Variants in ARMC9 observed in about 807,000 individuals in gnomAD.
ARMC9 encodes lisH domain-containing protein ARMC9.
In ARMC9, 94 loss-of-function variants were observed where a neutral mutation model predicts 107.0. That is an observed-to-expected ratio of 0.88 (90% confidence interval 0.74 to 1.04). The LOEUF is 1.04. Among genes scored for constraint, ARMC9 ranks in the 50% least tolerant of loss-of-function variants. The probability of loss-of-function intolerance (pLI) is 0.00; values close to 1 mark genes in which losing one functional copy is unlikely to be tolerated. For synonymous variants in ARMC9, 380 were observed against 396.9 expected (o/e 0.96, Z 0.51); for missense variants, 942 against 1,030.1 (o/e 0.91, Z 1.17).
At chr2:231,246,583 A>G (rs901162803) in intron 9 of ARMC9, among the ~76,000 whole-genome samples, 2 of 152,064 alleles carry the variant, frequency 1.3e-5, no homozygotes, top group Admixed American at 6.6e-5. Context: ...TGTGTACCAC[A>G]TTTTCCTTAT....
Position 231,255,865 on chromosome 2 carries a change from G to C in ARMC9, c.880-721G>C, listed in dbSNP as rs995569881. ...ATCCTGGCTAACACGGTGAAACCCCGTTTCTACTAAAAATACTAAACAAAA... is the reference window on the plus strand; with the variant it reads ...ATCCTGGCTAACACGGTGAAACCCCCTTTCTACTAAAAATACTAAACAAAA... On this transcript the variant is annotated intron_variant, in intron 9 of 24. Coordinates refer to ENST00000611582, the MANE Select transcript of ARMC9 (RefSeq NM_001352754.2). The surrounding 1 kb of genome is among the most constrained non-coding windows in gnomAD (Gnocchi z 4.7). Among the ~76,000 whole-genome samples the C allele has an allele frequency of 2.0e-5, 3 of 152,090 alleles. No homozygotes were observed. Among genetic ancestry groups the C allele is most frequent in the African/African-American group, 7.2e-5 (3 of 41,402 alleles).
At chr2:231,220,565 C>T (rs1209746913) in intron 5 of ARMC9, among the ~76,000 whole-genome samples, 1 of 148,528 alleles carries the variant, frequency 6.7e-6, no homozygotes, top group Non-Finnish European at 1.5e-5. Context: ...CCACTGCGCT[C>T]CAGTTTGGGC....
chr2:231,306,000 C>T (rs1449239055), intron 19 of ARMC9, among the ~76,000 whole-genome samples: 1 of 152,168 alleles, frequency 6.6e-6, no homozygotes, highest in Non-Finnish European at 1.5e-5. Context: ...ACTTAACTGA[C>T]GTTTACACTC....
chr2:231,328,555 A>G (rs1446109938), intron 19 of ARMC9, among the ~76,000 whole-genome samples: 1 of 152,066 alleles, frequency 6.6e-6, no homozygotes, highest in Non-Finnish European at 1.5e-5. Flanking sequence ...ACAAATGTTC[A>G]ATTTCTCCAG....
chr2:231,306,058 A>G (rs1480096792), intron 19 of ARMC9, among the ~76,000 whole-genome samples: 4 of 152,230 alleles, frequency 2.6e-5, no homozygotes, highest in Non-Finnish European at 4.4e-5. Flanking sequence ...AAGTTACAAT[A>G]AGGTAAATTA....
At chr2:231,267,719 T>C (rs1459185028) in intron 12 of ARMC9, among the ~76,000 whole-genome samples, 1 of 152,172 alleles carries the variant, frequency 6.6e-6, no homozygotes, top group Non-Finnish European at 1.5e-5. Context: ...TAGCACTGTT[T>C]AGGGTTATCC....
chr2:231,314,949 T>A (rs1256993346), intron 19 of ARMC9, among the ~76,000 whole-genome samples: 1 of 152,208 alleles, frequency 6.6e-6, no homozygotes, highest in Non-Finnish European at 1.5e-5. Context: ...AAATAACACC[T>A]TTGTAAAAAA....
At chr2:231,284,067 G>A (rs1465783019) in intron 17 of ARMC9, among the ~76,000 whole-genome samples, 1 of 152,086 alleles carries the variant, frequency 6.6e-6, no homozygotes, top group African/African-American at 2.4e-5. Context: ...CAACATTTTG[G>A]TCAACAAAAG....
At chr2:231,365,916 A>G (rs1381190761) in intron 23 of ARMC9, among the ~76,000 whole-genome samples, 2 of 152,090 alleles carry the variant, frequency 1.3e-5, no homozygotes, top group African/African-American at 2.4e-5. Flanking sequence ...CTCCTGCCTC[A>G]GCTATTTTCT....
chr2:231,322,908 T>C (rs913787634), intron 19 of ARMC9, among the ~76,000 whole-genome samples: 2 of 152,204 alleles, frequency 1.3e-5, no homozygotes, highest in African/African-American at 4.8e-5. Context: ...AAGTAGATTT[T>C]AAAATATGTC....
intron 2 of ARMC9, among the ~76,000 whole-genome samples, chr2:231,207,290 G>A (rs1239268062): frequency 6.6e-6 from 1 of 152,180 alleles, no homozygotes; most frequent in African/African-American, 2.4e-5. Context: ...TTGCAGGCAT[G>A]AGCCACTGCA....
intron 23 of ARMC9, among the ~76,000 whole-genome samples, chr2:231,361,502 A>C (rs1349375798): frequency 2.0e-5 from 3 of 151,274 alleles, no homozygotes; most frequent in African/African-American, 7.3e-5. Flanking sequence ...CCCCGAGCAG[A>C]AGAAAAAAAA....
intron 19 of ARMC9, among the ~76,000 whole-genome samples, chr2:231,299,590 A>C (rs756458170): frequency 1.4e-4 from 21 of 152,144 alleles, no homozygotes; most frequent in Non-Finnish European, 1.9e-4. Flanking sequence ...ATGGCTTAAG[A>C]AGTGTATGCT....
chr2:231,337,476 T>TAGTAGAGACAGGG (rs1559481926), intron 20 of ARMC9, among the ~76,000 whole-genome samples: 81 of 130,422 alleles, frequency 6.2e-4, no homozygotes, highest in Middle Eastern at 3.6e-3. Context: ...TTTGTTTTTT[T>TAGTAGAGACAGGG]TTTTTTTTTT....
intron 1 of ARMC9, among the ~76,000 whole-genome samples, chr2:231,199,764 C>T (rs1160172690): frequency 6.6e-6 from 1 of 152,034 alleles, no homozygotes; most frequent in Non-Finnish European, 1.5e-5. Flanking sequence ...GGCATGATCT[C>T]GGCTCACTGC....
At position 231,362,744 on chromosome 2, in the gene ARMC9, A is replaced by G. The variant is rs1373527074; in HGVS notation, c.2261+1861A>G. 6.5e-6 allele frequency: 1 copy of G among 153,210 alleles called. No individual in the cohort carries two copies. The highest frequency in any genetic ancestry group is 1.5e-5 in the Non-Finnish European group (1 of 67,984). 9.5% of individuals were successfully genotyped at this position (153,210 alleles called of 1,614,324 possible). On this transcript the variant is annotated intron_variant, in intron 23 of 24. Coordinates refer to ENST00000611582, the MANE Select transcript of ARMC9 (RefSeq NM_001352754.2). This position sits in a 1 kb window ranked among gnomAD's most constrained non-coding sequence, Gnocchi z 4.7. Reference sequence around the variant, plus strand: ...GGCATTCTAGATGAGAGATATATATATACCTCATATGTATATGGTATACCT... The same window carrying G: ...GGCATTCTAGATGAGAGATATATATGTACCTCATATGTATATGGTATACCT...
intron 20 of ARMC9, among the ~76,000 whole-genome samples, chr2:231,335,949 C>T (rs1335340017): frequency 6.6e-6 from 1 of 151,880 alleles, no homozygotes; most frequent in Non-Finnish European, 1.5e-5. Context: ...TATGGTGGCA[C>T]GCACCTGTGG....
In ARMC9 at chr2:231,360,284, G is replaced by C. The variant is rs1224301071; in HGVS notation, c.2132-470G>C. On this transcript the variant is annotated intron_variant, in intron 22 of 24. Coordinates refer to ENST00000611582, the MANE Select transcript of ARMC9 (RefSeq NM_001352754.2). The surrounding 1 kb of genome is among the most constrained non-coding windows in gnomAD (Gnocchi z 4.7). ...CCTGGCCACCCTGGGTGTACCGAGT[G>C]GTTCAGCATTAAGGAGCCTTGGGCT... is the stretch of plus-strand genomic sequence containing the variant. 6.6e-6 allele frequency among the ~76,000 whole-genome samples: 1 copy of C among 152,166 alleles called. No homozygotes were observed. Among genetic ancestry groups the C allele is most frequent in the Non-Finnish European group, 1.5e-5 (1 of 68,024 alleles).
At chr2:231,257,809 T>C (rs2037971891) in intron 10 of ARMC9, among the ~76,000 whole-genome samples, 1 of 152,228 alleles carries the variant, frequency 6.6e-6, no homozygotes, top group Non-Finnish European at 1.5e-5. Flanking sequence ...AAACTATCAT[T>C]GATACAGTAC....
Sources: allele counts gnomAD v4.1 joint callset (sites outside exome capture counted in the v4.1 genomes callset), GRCh38; gene constraint gnomAD v4.1.1; non-coding constraint Gnocchi (gnomAD v3.1); transcripts MANE v1.5; gene names NCBI Gene and HGNC (gene_info 2026-07-23, HGNC 2026-07-21).